Variants in HCN1 observed in about 807,000 individuals in gnomAD.
HCN1 encodes the protein potassium/sodium hyperpolarization-activated cyclic nucleotide-gated channel 1.
A neutral mutation model predicts 78.9 loss-of-function variants in HCN1; 13 were observed. That is an observed-to-expected ratio of 0.16 (90% CI 0.11 to 0.26). HCN1 has a LOEUF of 0.26. HCN1 is among the 10% of genes least tolerant of loss of function. The probability of loss-of-function intolerance (pLI) is 1.00; values close to 1 mark genes in which losing one functional copy is unlikely to be tolerated. For missense variants in HCN1, 810 were observed against 1,154.3 expected, an observed-to-expected ratio of 0.70 and a Z score of 4.32; for synonymous variants, 552 against 455.5, an observed-to-expected ratio of 1.21 and a Z score of -2.70.
At chr5:45,450,208 T>C (rs1740889631) in intron 3 of HCN1, among the ~76,000 whole-genome samples, 1 of 152,204 alleles carries the variant, frequency 6.6e-6, no homozygotes, top group Non-Finnish European at 1.5e-5. Flanking sequence ...ATTATTTCTG[T>C]TTATTTCAGT....
Position 45,564,226 on chromosome 5 carries a change from T to A in HCN1, c.849+80959A>T, listed in dbSNP as rs564103159. ...TGTCTCCCACTAAGTAAAAATAATG[T>A]GAACAAGGAAATTAAATGTGGGTGA... On this transcript the variant is annotated intron_variant, in intron 2 of 7. Transcript: ENST00000303230. Among the ~76,000 whole-genome samples the A allele has an allele frequency of 2.9e-3, 442 of 151,986 alleles. 2 individuals carry two copies. Among genetic ancestry groups the A allele is most frequent in the African/African-American group, 0.01 (421 of 41,472 alleles).
intron 1 of HCN1, among the ~76,000 whole-genome samples, chr5:45,664,304 G>A (rs1745986529): frequency 1.5e-5 from 2 of 131,222 alleles, no homozygotes; most frequent in African/African-American, 3.0e-5. Context: ...TCTGGGGACT[G>A]TGGTGGGGTC....
chr5:45,327,762 A>C (rs1444877277), intron 5 of HCN1, among the ~76,000 whole-genome samples: 5 of 151,576 alleles, frequency 3.3e-5, no homozygotes. Flanking sequence ...TCCTTTTATA[A>C]GAAGAGGAAA....
At chr5:45,374,184 A>G (rs1747537469) in intron 4 of HCN1, among the ~76,000 whole-genome samples, 1 of 122,980 alleles carries the variant, frequency 8.1e-6, no homozygotes. Context: ...TATATTATAT[A>G]TTATATACAT....
At chr5:45,349,349 G>C (rs904338220) in intron 5 of HCN1, among the ~76,000 whole-genome samples, 1 of 152,178 alleles carries the variant, frequency 6.6e-6, no homozygotes, top group African/African-American at 2.4e-5. Context: ...CAACATAACA[G>C]AATCTCTGGG....
intron 4 of HCN1, among the ~76,000 whole-genome samples, chr5:45,359,363 C>A (rs1326695404): frequency 6.7e-6 from 1 of 150,044 alleles, no homozygotes; most frequent in African/African-American, 2.5e-5. Flanking sequence ...ATCTATAAAA[C>A]ACTGCCTATA....
chr5:45,315,860 C>G (rs968326206), intron 5 of HCN1, among the ~76,000 whole-genome samples: 5 of 152,060 alleles, frequency 3.3e-5, no homozygotes, highest in Non-Finnish European at 5.9e-5. Context: ...CAAGAATAAA[C>G]CAGGAGGAAG....
intron 5 of HCN1, among the ~76,000 whole-genome samples, chr5:45,343,171 A>T (rs1371374059): frequency 6.6e-6 from 1 of 152,222 alleles, no homozygotes; most frequent in African/African-American, 2.4e-5. Flanking sequence ...ACTTTGCAAC[A>T]GACATGACAG....
chr5:45,444,651 T>G (rs918997832), intron 3 of HCN1, among the ~76,000 whole-genome samples: 1 of 152,160 alleles, frequency 6.6e-6, no homozygotes, highest in Non-Finnish European at 1.5e-5. Flanking sequence ...GCTAAGTTCA[T>G]CTTCTTATAT....
At chr5:45,515,875 A>T (rs996070901) in intron 2 of HCN1, among the ~76,000 whole-genome samples, 1 of 151,958 alleles carries the variant, frequency 6.6e-6, no homozygotes, top group African/African-American at 2.4e-5. Context: ...ATAAAATATA[A>T]ACCCATCAAA....
intron 3 of HCN1, among the ~76,000 whole-genome samples, chr5:45,444,210 C>A (rs1156256974): frequency 2.6e-5 from 4 of 152,052 alleles, no homozygotes; most frequent in African/African-American, 9.7e-5. Context: ...CAAGTGAGTT[C>A]AGTAAGAGGC....
intron 2 of HCN1, among the ~76,000 whole-genome samples, chr5:45,471,613 G>T (rs2111652082): frequency 6.6e-6 from 1 of 151,952 alleles, no homozygotes; most frequent in African/African-American, 2.4e-5. Context: ...GCAACAGAAA[G>T]CCCACATGTG....
At chr5:45,327,993 G>T (rs1746269537) in intron 5 of HCN1, among the ~76,000 whole-genome samples, 1 of 151,642 alleles carries the variant, frequency 6.6e-6, no homozygotes, top group Admixed American at 6.6e-5. Flanking sequence ...AGCAAGTTAG[G>T]CTGGTCAAAA....
At chr5:45,643,532 A>G (rs1465897896) in intron 2 of HCN1, 1 of 152,172 alleles carries the variant, frequency 6.6e-6, no homozygotes, top group East Asian at 1.9e-4. Context: ...AGATATTTAT[A>G]ACTAAAACAT....
chr5:45,609,057 T>G (rs1744781433), intron 2 of HCN1, among the ~76,000 whole-genome samples: 1 of 151,968 alleles, frequency 6.6e-6, no homozygotes, highest in Admixed American at 6.6e-5. Flanking sequence ...GTGGCAAAAA[T>G]GAAAAGAAGA....
chr5:45,265,774 A>G (rs1046383842), intron 7 of HCN1, among the ~76,000 whole-genome samples: 3 of 152,180 alleles, frequency 2.0e-5, no homozygotes, highest in African/African-American at 7.2e-5. Context: ...TCTCTTCAAC[A>G]AATATTCATT....
At chr5:45,443,833 C>G (rs1345803671) in intron 3 of HCN1, among the ~76,000 whole-genome samples, 2 of 152,044 alleles carry the variant, frequency 1.3e-5, no homozygotes, top group Admixed American at 6.5e-5. Context: ...TTTCTTATTA[C>G]TGGTAATAAA....
At chr5:45,333,624 G>A (rs562939792) in intron 5 of HCN1, among the ~76,000 whole-genome samples, 8 of 151,588 alleles carry the variant, frequency 5.3e-5, no homozygotes, top group Non-Finnish European at 1.2e-4. Context: ...TTGATGCCCT[G>A]GATTTAAGCC....
chr5:45,616,253 C>T (rs1744947897), intron 2 of HCN1, among the ~76,000 whole-genome samples: 1 of 151,822 alleles, frequency 6.6e-6, no homozygotes, highest in Non-Finnish European at 1.5e-5. Flanking sequence ...ATACATGGAG[C>T]ACTTATAATC....
Sources: allele counts gnomAD v4.1 joint callset (sites outside exome capture counted in the v4.1 genomes callset), GRCh38; gene constraint gnomAD v4.1.1; transcripts MANE v1.5; gene names NCBI Gene and HGNC (gene_info 2026-07-23, HGNC 2026-07-21).